Variants in PLD1 observed in about 807,000 individuals in gnomAD.
PLD1 encodes choline phosphatase 1.
A neutral mutation model predicts 137.1 loss-of-function variants in PLD1; 112 were observed. The observed-to-expected ratio is 0.82, with a 90% confidence interval of 0.70 to 0.96. The LOEUF (loss-of-function observed/expected upper bound fraction) is 0.96. Among genes scored for constraint, PLD1 ranks in the 40% least tolerant of loss-of-function variants. The pLI is 0.00. For missense variants in PLD1, 1,321 were observed against 1,342.0 expected (o/e 0.98, Z 0.24); for synonymous variants, 431 against 454.7 (o/e 0.95, Z 0.66).
intron 21 of PLD1, among the ~76,000 whole-genome samples, chr3:171,654,764 A>T (rs570680596): frequency 1.3e-5 from 2 of 152,208 alleles, no homozygotes; most frequent in African/African-American, 4.8e-5. Context: ...CAACTCTGAG[A>T]CAGTTTTACT....
chr3:171,766,329 G>C (rs965089589), intron 1 of PLD1, among the ~76,000 whole-genome samples: 1 of 152,036 alleles, frequency 6.6e-6, no homozygotes, highest in Non-Finnish European at 1.5e-5. Context: ...AAGTAATCAT[G>C]TTTAAAATAC....
At chr3:171,689,010 G>C in intron 13 of PLD1, 134 bp from the exon 14 acceptor site, 14 of 518,414 alleles carry the variant, frequency 2.7e-5, no homozygotes, top group South Asian at 2.7e-5. Flanking sequence ...ATACACCAAA[G>C]AAAATAATTT....
At chr3:171,672,766 T>A (rs1036015398) in intron 19 of PLD1, among the ~76,000 whole-genome samples, 11 of 152,128 alleles carry the variant, frequency 7.2e-5, no homozygotes, top group Non-Finnish European at 1.0e-4. Context: ...ATTCCAAGCG[T>A]GAGCCACCAC....
intron 4 of PLD1, 63 bp from the exon 5 acceptor site, chr3:171,735,033 A>G (rs1396747649): frequency 5.7e-6 from 5 of 880,428 alleles, no homozygotes; most frequent in African/African-American, 1.7e-5. Context: ...TGACTTTAGT[A>G]TGTCTTTCAT....
In PLD1 at chr3:171,764,996, AAG is replaced by A. The variant is rs1491574670; in HGVS notation, c.-31-26916_-31-26915del. The A allele has an allele frequency of 2.1e-5, 3 of 140,232 alleles. No individual in the cohort carries two copies. In the South Asian group the frequency reaches 7.3e-4, roughly 34 times the overall value. The allele number at this position is 140,232 out of a possible 1,614,324, so 8.7% of individuals were successfully genotyped here. A position where few individuals can be genotyped will look rare whatever the true frequency, so the allele number is the denominator to read the frequency against. On this transcript the variant is annotated intron_variant, in intron 1 of 26. Transcript: ENST00000351298. ...AAAGAAAGAAAGAAAGAAAGAAAGA[AAG>A]AAAGAAAGAGAAAAAGAAAAAGAAA...
intron 16 of PLD1, among the ~76,000 whole-genome samples, chr3:171,678,376 A>G (rs1432104144): frequency 2.6e-5 from 4 of 152,228 alleles, no homozygotes; most frequent in Admixed American, 6.5e-5. Flanking sequence ...CATAGATGGC[A>G]TTTATAAAAA....
At chr3:171,764,826 AGAAAGAAAG>A (rs1721700800) in intron 1 of PLD1, among the ~76,000 whole-genome samples, 1 of 23,742 alleles carries the variant, frequency 4.2e-5, no homozygotes, top group South Asian at 1.3e-3. Context: ...AGAAAGAAAG[AGAAAGAAAG>A]AAAGAAAGAA....
At chr3:171,804,198 AACCCATGGCT>A (rs1723754062) in intron 1 of PLD1, among the ~76,000 whole-genome samples, 1 of 152,084 alleles carries the variant, frequency 6.6e-6, no homozygotes, top group Admixed American at 6.5e-5. Context: ...CTCCAATCCC[AACCCATGGCT>A]ACCTACTCAA....
chr3:171,761,971 A>T (rs1721424385), intron 1 of PLD1, among the ~76,000 whole-genome samples: 1 of 152,214 alleles, frequency 6.6e-6, no homozygotes, highest in Non-Finnish European at 1.5e-5. Flanking sequence ...TAATACAGAA[A>T]CGTAACTTTG....
chr3:171,605,643 C>A (rs1732147416), intron 25 of PLD1, among the ~76,000 whole-genome samples: 1 of 152,284 alleles, frequency 6.6e-6, no homozygotes, highest in South Asian at 2.1e-4. Flanking sequence ...AATTCTCAAG[C>A]AAACAAGACA....
intron 23 of PLD1, among the ~76,000 whole-genome samples, chr3:171,636,403 A>G (rs1216043715): frequency 6.6e-6 from 1 of 152,106 alleles, no homozygotes; most frequent in Non-Finnish European, 1.5e-5. Context: ...CTTTCAATCC[A>G]TTAACACAGA....
At chr3:171,698,172 G>C (rs1223281315) in intron 12 of PLD1, among the ~76,000 whole-genome samples, 2 of 152,212 alleles carry the variant, frequency 1.3e-5, no homozygotes, top group Non-Finnish European at 2.9e-5. Flanking sequence ...CTGAGCCCAA[G>C]ACATGAGTCC....
At chr3:171,647,336 T>C (rs1293579009) in intron 21 of PLD1, among the ~76,000 whole-genome samples, 1 of 152,208 alleles carries the variant, frequency 6.6e-6, no homozygotes, top group Non-Finnish European at 1.5e-5. Flanking sequence ...TTGTAAAGTG[T>C]ATATAATATA....
At chr3:171,650,938 G>A (rs1463985646) in intron 21 of PLD1, among the ~76,000 whole-genome samples, 1 of 152,050 alleles carries the variant, frequency 6.6e-6, no homozygotes, top group Non-Finnish European at 1.5e-5. Context: ...TTTTGTGATT[G>A]CTATAAAGCT....
chr3:171,781,559 C>T (rs1049862740), intron 1 of PLD1, among the ~76,000 whole-genome samples: 3 of 152,002 alleles, frequency 2.0e-5, no homozygotes, highest in Non-Finnish European at 4.4e-5. Flanking sequence ...GCCTACAATT[C>T]GATAAAAGTG....
At chr3:171,803,350 G>A (rs1283004075) in intron 1 of PLD1, among the ~76,000 whole-genome samples, 1 of 152,218 alleles carries the variant, frequency 6.6e-6, no homozygotes, top group Non-Finnish European at 1.5e-5. Flanking sequence ...TGGTCATAAT[G>A]AGAAAGAAAG....
Position 171,735,526 on chromosome 3 carries a change from T to C in PLD1, c.400A>G (p.Lys134Glu). The change falls in exon 4 of 27, where the codon AAA (lysine) becomes GAA (glutamate). Residue 134 changes from lysine (K) to glutamate (E), a missense_variant. Physicochemically the swap from Lys to Glu is moderately conservative, Grantham distance 56. Transcript: ENST00000351298. ...QEFHRELLKY[K>E]AFIRIPIPTR... ...GGAATGGGGATGCGGATAAAGGCTT[T>C]GTACTTGAGCAGCTCTCTGTGAAAT... 1 of 1,613,710 alleles carries C rather than the reference T, an allele frequency of 6.2e-7. No individual in the cohort carries two copies. Among genetic ancestry groups the C allele is most frequent in the Non-Finnish European group, 8.5e-7 (1 of 1,179,558 alleles).
At chr3:171,793,624 T>A (rs1210922158) in intron 1 of PLD1, 1 of 152,180 alleles carries the variant, frequency 6.6e-6, no homozygotes, top group Non-Finnish European at 1.5e-5. Context: ...ACATAAGCCC[T>A]ATGATACTGA....
chr3:171,762,774 A>T (rs1255716321), intron 1 of PLD1, among the ~76,000 whole-genome samples: 1 of 152,220 alleles, frequency 6.6e-6, no homozygotes, highest in Admixed American at 6.5e-5. Context: ...GTTTTCAGAT[A>T]TCTGAAGGAC....
Sources: allele counts gnomAD v4.1 joint callset (sites outside exome capture counted in the v4.1 genomes callset), GRCh38; gene constraint gnomAD v4.1.1; transcripts MANE v1.5; gene names NCBI Gene and HGNC (gene_info 2026-07-23, HGNC 2026-07-21).